The following DNAH17 variants were observed in gnomAD, a reference collection of about 807,000 sequenced individuals.
DNAH17 encodes axonemal beta dynein heavy chain 17.
A neutral mutation model predicts 485.6 loss-of-function variants in DNAH17; 376 were observed. That is an observed-to-expected ratio of 0.77 (90% CI 0.71 to 0.84). The LOEUF (loss-of-function observed/expected upper bound fraction) is 0.84, where lower values mean the gene tolerates loss of function less well. DNAH17 is among the 40% of genes least tolerant of loss of function. DNAH17 has a pLI of 0.00. For synonymous variants in DNAH17, 3,031 were observed against 2,405.9 expected (o/e 1.26, Z -7.60); for missense variants, 6,370 against 5,839.3 (o/e 1.09, Z -2.96).
At chr17:78,424,185 T>A (rs370086190) in intron 80 of DNAH17, 32 bp from the exon 81 acceptor site, 3 of 1,584,232 alleles carry the variant, frequency 1.9e-6, no homozygotes, top group Non-Finnish European at 2.6e-6. Flanking sequence ...GGGTCAGGTG[T>A]GCTGCCAGTA....
intron 51 of DNAH17, 36 bp from the exon 52 acceptor site, chr17:78,476,769 G>A (rs370966627): frequency 3.1e-6 from 5 of 1,600,116 alleles, no homozygotes; most frequent in East Asian, 4.5e-5. Context: ...ACCGTCAGCT[G>A]TTACGAAGGC....
Position 78,453,426 on chromosome 17 carries a change from G to A in DNAH17, c.10446C>T (p.Asp3482=), listed in dbSNP as rs897383442. The A allele has an allele frequency of 6.4e-5, 104 of 1,613,844 alleles. No individual in the cohort carries two copies. The highest frequency in any genetic ancestry group is 8.1e-5 in the Non-Finnish European group (96 of 1,179,862). The change falls in exon 65 of 81, where the codon GAC becomes GAT. Residue 3482 remains aspartate (D), a synonymous_variant. Coordinates refer to ENST00000389840, the MANE Select transcript of DNAH17 (RefSeq NM_173628.4). ...DVIEQAISEG[D]TLLIENIGET... The stretch of plus-strand genomic sequence containing the variant: ...CGCCGATGTTCTCAATGAGCAAGGT[G>A]TCCCCTTCCGAGATGGCCTGCTCGA...
At chr17:78,541,859 T>G (rs570682899) in intron 17 of DNAH17, among the ~76,000 whole-genome samples, 3 of 152,234 alleles carry the variant, frequency 2.0e-5, no homozygotes, top group East Asian at 3.9e-4. Flanking sequence ...CAAGTAACAT[T>G]TTTGCAGTTT....
intron 58 of DNAH17, among the ~76,000 whole-genome samples, chr17:78,460,817 C>T (rs976905540): frequency 8.5e-5 from 13 of 152,092 alleles, no homozygotes; most frequent in Non-Finnish European, 7.3e-5. Context: ...CAAAATGGAA[C>T]GTCTCAGAGT....
At chr17:78,503,635 C>T (rs1296186750) in intron 31 of DNAH17, among the ~76,000 whole-genome samples, 1 of 151,984 alleles carries the variant, frequency 6.6e-6, no homozygotes, top group Non-Finnish European at 1.5e-5. Flanking sequence ...TACAGGTGTG[C>T]ACCACCACAC....
At chr17:78,493,073 A>C in intron 41 of DNAH17, 5 of 202,046 alleles carry the variant, frequency 2.5e-5, no homozygotes, top group Non-Finnish European at 4.0e-5. Flanking sequence ...CTGGTCTCAA[A>C]CTCCTGATCT....
In DNAH17 at chr17:78,431,809, C is replaced by T. The variant is rs552851406; in HGVS notation, c.12225+2220G>A. Among the ~76,000 whole-genome samples the T allele has an allele frequency of 4.6e-5, 7 of 152,034 alleles. No individual in the cohort carries two copies. In the South Asian group the frequency reaches 6.2e-4, roughly 14 times the overall value. ...CAGCCGCTGATGTACATGGTACTCG[C>T]GCGGCTTCTCAGCAGCTTAGAAGCT... On this transcript the variant is annotated intron_variant, in intron 75 of 80. Coordinates refer to ENST00000389840, the MANE Select transcript of DNAH17 (RefSeq NM_173628.4).
rs746584202 is a variant in DNAH17, at chr17:78,492,654, C to T, written c.6520G>A (p.Val2174Met). The part of the protein sequence containing the change: ...CDELFGIINP[V>M]TREWKDGLFS... The stretch of plus-strand genomic sequence containing the variant: ...TTACCATCTTTCCATTCCCTGGTCA[C>T]TGGGTTGATGATGCCAAAGAGCTCG... Residue 2174 changes from valine to methionine, a missense_variant, in exon 42 of 81, where the codon GTG (valine) becomes ATG (methionine). Transcript: ENST00000389840. The T allele has an allele frequency of 1.9e-6, 3 of 1,613,804 alleles. No homozygotes were observed. Among genetic ancestry groups the T allele is most frequent in the Non-Finnish European group, 2.5e-6 (3 of 1,179,830 alleles).
At chr17:78,492,585 C>T in intron 42 of DNAH17, 48 bp downstream of exon 42, 2 of 1,605,456 alleles carry the variant, frequency 1.2e-6, no homozygotes, top group South Asian at 1.1e-5. Flanking sequence ...GCTCACTGCA[C>T]TGGACCAGGA....
intron 13 of DNAH17, 60 bp from the exon 14 acceptor site, chr17:78,558,314 C>CA: frequency 6.4e-7 from 1 of 1,574,532 alleles, no homozygotes; most frequent in East Asian, 2.3e-5. Context: ...GTGCAGTGTT[C>CA]AAGCAACAGA....
intron 12 of DNAH17, among the ~76,000 whole-genome samples, chr17:78,561,434 G>A (rs1289413313): frequency 6.6e-6 from 1 of 152,102 alleles, no homozygotes. Flanking sequence ...GGCTCAGTCA[G>A]CTGCATACAC....
chr17:78,441,395 A>G (rs2087070626), intron 71 of DNAH17, among the ~76,000 whole-genome samples, 196 bp from the exon 72 acceptor site: 1 of 151,940 alleles, frequency 6.6e-6, no homozygotes, highest in Non-Finnish European at 1.5e-5. Context: ...TGCCTCGGGC[A>G]CCCTTTCTTT....
intron 56 of DNAH17, among the ~76,000 whole-genome samples, chr17:78,464,830 A>G (rs2088335152): frequency 6.6e-6 from 1 of 152,274 alleles, no homozygotes. Flanking sequence ...GGATTGCAGG[A>G]CAATGAAACA....
In DNAH17 at chr17:78,429,304, A is replaced by C; in HGVS notation, c.12226-4T>G. 6.2e-7 allele frequency: 1 copy of C among 1,612,168 alleles called. No individual in the cohort carries two copies. The highest frequency in any genetic ancestry group is 1.3e-5 in the African/African-American group (1 of 75,032). ...AGCGGAGATCGTCCCAGGGCACCTG[A>C]GGAAGGATGACAGCGGGTAGGGGAA... On this transcript the variant is annotated splice_region_variant and splice_polypyrimidine_tract_variant and intron_variant, in intron 75 of 80. Transcript: ENST00000389840.
intron 2 of DNAH17, among the ~76,000 whole-genome samples, chr17:78,574,359 CA>C (rs1234316003): frequency 6.6e-6 from 1 of 151,986 alleles, no homozygotes; most frequent in Non-Finnish European, 1.5e-5. Flanking sequence ...GAAAATTAGC[CA>C]GGTGTGGTGG....
intron 42 of DNAH17, 57 bp from the exon 43 acceptor site, chr17:78,491,627 C>T: frequency 4.4e-6 from 7 of 1,577,412 alleles, no homozygotes; most frequent in Non-Finnish European, 6.0e-6. Flanking sequence ...ATTCCAGTCC[C>T]CACCAGTCCT....
intron 47 of DNAH17, 152 bp from the exon 48 acceptor site, chr17:78,485,185 T>C (rs2089543374): frequency 2.1e-6 from 2 of 969,900 alleles, no homozygotes; most frequent in Non-Finnish European, 3.0e-6. Flanking sequence ...GGAGTGGCCC[T>C]TGAGGGGGCA....
chr17:78,460,246 C>A lies in DNAH17; in HGVS notation c.9351G>T (p.Glu3117Asp), dbSNP rs2088033018. Residue 3117 changes from glutamate to aspartate, a missense_variant, in exon 59 of 81, where the codon GAG becomes GAT. Physicochemically the swap from Glu to Asp is conservative, Grantham distance 45 (BLOSUM62 2). Coordinates refer to ENST00000389840, the MANE Select transcript of DNAH17 (RefSeq NM_173628.4). ...GGTCTGTTTCACAGGCCTTTTGCTT[C>A]TCAGTGACGTTCTGGAAGGAAGATG... is the stretch of plus-strand genomic sequence containing the variant. ...KVEVINKNVT[E>D]KQKACETDLA... The A allele has an allele frequency of 6.2e-7, 1 of 1,601,232 alleles. No homozygotes were observed. The highest frequency in any genetic ancestry group is 1.1e-5 in the South Asian group (1 of 89,028).
At chr17:78,458,001 G>A (rs530268485) in intron 62 of DNAH17, among the ~76,000 whole-genome samples, 30 of 151,830 alleles carry the variant, frequency 2.0e-4, no homozygotes, top group Non-Finnish European at 2.9e-4. Context: ...ATGGGGTTTC[G>A]TCATATTGGC....
Sources: allele counts gnomAD v4.1 joint callset (sites outside exome capture counted in the v4.1 genomes callset), GRCh38; gene constraint gnomAD v4.1.1; transcripts MANE v1.5; gene names NCBI Gene and HGNC (gene_info 2026-07-23, HGNC 2026-07-21).